The following GRID2 variants were observed in gnomAD, a reference collection of about 807,000 sequenced individuals.
GRID2 encodes the protein glutamate ionotropic receptor delta type subunit 2.
In GRID2, 33 loss-of-function variants were observed where a neutral mutation model predicts 114.8. The ratio of observed to expected loss-of-function variants is 0.29; its 90% CI spans 0.22 to 0.38. GRID2 has a LOEUF of 0.38. GRID2 is among the 10% of genes least tolerant of loss of function. GRID2 has a pLI of 1.00. For missense variants in GRID2, 1,184 were observed against 1,257.7 expected (o/e 0.94, Z 0.89); for synonymous variants, 505 against 449.9 (o/e 1.12, Z -1.55).
chr4:93,370,439 G>GCA (rs139682754), intron 8 of GRID2, among the ~76,000 whole-genome samples: 3 of 130,022 alleles, frequency 2.3e-5, no homozygotes, highest in East Asian at 2.3e-4. Flanking sequence ...GCACACACAG[G>GCA]CACACACACA....
chr4:93,755,511 C>G (rs1312385860), intron 14 of GRID2, among the ~76,000 whole-genome samples: 1 of 152,148 alleles, frequency 6.6e-6, no homozygotes, highest in East Asian at 1.9e-4. Context: ...GCTAACACTT[C>G]TAGCTTACTA....
intron 2 of GRID2, among the ~76,000 whole-genome samples, chr4:92,865,561 T>A (rs972391841): frequency 6.6e-6 from 1 of 152,216 alleles, no homozygotes; most frequent in Non-Finnish European, 1.5e-5. Context: ...GACATACATA[T>A]CTGATCCTTG....
Position 93,422,951 on chromosome 4 carries a change from G to A in GRID2, c.1528G>A (p.Gly510Arg). Residue 510 changes from glycine (G) to arginine (R), a missense_variant, in exon 10 of 16, where the codon GGA becomes AGA. By Grantham distance (125) the Gly-to-Arg change is moderately radical (BLOSUM62 -2). This residue lies in a region of GRID2 where 717 missense variants were observed against 796.9 expected (regional missense o/e 0.90). Transcript: ENST00000282020. ...AGATGGGACATGGAATGGCTTGGTA[G>A]GAGAACTTGTCTTTAAGGTAAGAAT... ...QEDGTWNGLV[G>R]ELVFKRADIG... is the part of the protein sequence containing the mutation. The A allele has an allele frequency of 1.2e-6, 2 of 1,607,394 alleles. No homozygotes were observed. The highest frequency in any genetic ancestry group is 8.5e-7 in the Non-Finnish European group (1 of 1,173,952).
At chr4:92,419,830 G>T (rs1007660949) in intron 1 of GRID2, among the ~76,000 whole-genome samples, 2 of 151,906 alleles carry the variant, frequency 1.3e-5, no homozygotes, top group African/African-American at 4.8e-5. Context: ...TATTTCAGTG[G>T]TTATTTATAT....
chr4:92,841,173 T>A (rs1742863977), intron 2 of GRID2, among the ~76,000 whole-genome samples: 1 of 152,088 alleles, frequency 6.6e-6, no homozygotes, highest in African/African-American at 2.4e-5. Context: ...AACAAGTTAA[T>A]TGCAAAATTT....
At chr4:93,019,173 C>A (rs1034042004) in intron 2 of GRID2, among the ~76,000 whole-genome samples, 13 of 152,104 alleles carry the variant, frequency 8.5e-5, no homozygotes, top group Non-Finnish European at 1.8e-4. Context: ...CATGATATTT[C>A]ATTTATAAAT....
chr4:93,504,049 C>T (rs1247769773), intron 12 of GRID2, among the ~76,000 whole-genome samples: 1 of 151,998 alleles, frequency 6.6e-6, no homozygotes, highest in East Asian at 1.9e-4. Flanking sequence ...TTCACTGGGT[C>T]TTTAAATAGG....
intron 2 of GRID2, among the ~76,000 whole-genome samples, chr4:92,959,731 C>A (rs954396614): frequency 6.6e-6 from 1 of 152,000 alleles, no homozygotes; most frequent in Admixed American, 6.6e-5. Flanking sequence ...TGGAAGCCAT[C>A]ATTCTCAGCA....
chr4:92,811,070 G>A (rs1344478940), intron 2 of GRID2, among the ~76,000 whole-genome samples: 1 of 152,084 alleles, frequency 6.6e-6, no homozygotes, highest in Non-Finnish European at 1.5e-5. Flanking sequence ...GGCATGAACT[G>A]CTGTGCCTGG....
chr4:92,336,725 A>G (rs1391991059), intron 1 of GRID2, among the ~76,000 whole-genome samples: 2 of 152,104 alleles, frequency 1.3e-5, no homozygotes, highest in Non-Finnish European at 2.9e-5. Flanking sequence ...AAGTCTCTAG[A>G]TTTTTAGATC....
intron 2 of GRID2, among the ~76,000 whole-genome samples, chr4:92,641,383 C>G (rs1731339878): frequency 6.6e-6 from 1 of 151,498 alleles, no homozygotes. Context: ...ATCCTGGGCT[C>G]AAGCAATCCT....
intron 1 of GRID2, among the ~76,000 whole-genome samples, chr4:92,456,421 A>T (rs1341986078): frequency 6.6e-6 from 1 of 152,168 alleles, no homozygotes; most frequent in Non-Finnish European, 1.5e-5. Flanking sequence ...AATCTATTTT[A>T]AAAGTAAGAC....
intron 2 of GRID2, among the ~76,000 whole-genome samples, chr4:93,032,447 T>C (rs1220892856): frequency 6.6e-6 from 1 of 152,168 alleles, no homozygotes; most frequent in Admixed American, 6.5e-5. Context: ...AAAAATATGA[T>C]ATTGAATTTT....
At chr4:92,607,677 A>G (rs1729525524) in intron 2 of GRID2, among the ~76,000 whole-genome samples, 1 of 151,962 alleles carries the variant, frequency 6.6e-6, no homozygotes, top group Non-Finnish European at 1.5e-5. Flanking sequence ...AACACCAGGC[A>G]GTAGAGCAGG....
At chr4:92,679,911 T>C (rs938959989) in intron 2 of GRID2, among the ~76,000 whole-genome samples, 2 of 135,326 alleles carry the variant, frequency 1.5e-5, no homozygotes, top group African/African-American at 6.2e-5. Flanking sequence ...AGATGTTAAA[T>C]TGACTGAAAA....
chr4:93,487,198 G>T (rs1343620597), intron 11 of GRID2, among the ~76,000 whole-genome samples: 1 of 151,444 alleles, frequency 6.6e-6, no homozygotes, highest in East Asian at 2.0e-4. Flanking sequence ...TATTTTCCTT[G>T]TAAGTTTCAA....
intron 4 of GRID2, among the ~76,000 whole-genome samples, chr4:93,133,863 C>T (rs1735010836): frequency 6.6e-6 from 1 of 152,144 alleles, no homozygotes; most frequent in Non-Finnish European, 1.5e-5. Context: ...AATTCTTGAT[C>T]TTCTATAATG....
At chr4:92,738,871 G>T (rs1736728723) in intron 2 of GRID2, among the ~76,000 whole-genome samples, 1 of 151,998 alleles carries the variant, frequency 6.6e-6, no homozygotes, top group Admixed American at 6.6e-5. Context: ...ACATCTCTAT[G>T]TTGCCCAGGT....
intron 8 of GRID2, among the ~76,000 whole-genome samples, chr4:93,384,102 T>A (rs991918801): frequency 1.3e-5 from 2 of 152,150 alleles, no homozygotes; most frequent in Non-Finnish European, 2.9e-5. Context: ...AGACGGCACA[T>A]CTTGCAGAAG....
Sources: gnomAD v4.1 joint callset for allele counts (sites outside exome capture counted in the v4.1 genomes callset) on GRCh38, gnomAD v4.1.1 for gene constraint, gnomAD v4.1.1 regional missense constraint, MANE v1.5 for transcripts, NCBI Gene and HGNC (gene_info 2026-07-23, HGNC 2026-07-21) for gene names.